TIA1: variants seen among roughly 807,000 people sequenced by gnomAD.
TIA1 encodes cytotoxic granule associated RNA binding protein TIA1.
In TIA1, 23 loss-of-function variants were observed where a neutral mutation model predicts 65.9. The observed-to-expected ratio is 0.35, with a 90% CI of 0.25 to 0.49. The LOEUF (loss-of-function observed/expected upper bound fraction) is 0.49. Ranked by LOEUF, TIA1 falls within the 20% of genes least tolerant of loss-of-function variation. TIA1 has a pLI of 0.98. For missense variants in TIA1, 371 were observed against 477.9 expected, an observed-to-expected ratio of 0.78 and a Z score of 2.09; for synonymous variants, 147 against 149.4, an observed-to-expected ratio of 0.98 and a Z score of 0.12.
Position 70,218,310 on chromosome 2 carries a change from G to A in TIA1, c.475-1316C>T, listed in dbSNP as rs1023332501. Among the ~76,000 whole-genome samples, 7 of 152,302 alleles carry A rather than the reference G, an allele frequency of 4.6e-5. No individual in the cohort carries two copies. In the South Asian group the frequency reaches 1.4e-3, roughly 32 times the overall value. ...AAGTGTGTTAAGGCACAAAAGTTTGGTATGCATCTGAAAGCAGCATGTGAA... is the reference window on the plus strand; with the variant it reads ...AAGTGTGTTAAGGCACAAAAGTTTGATATGCATCTGAAAGCAGCATGTGAA... On this transcript the variant is annotated intron_variant, in intron 7 of 12. Coordinates refer to ENST00000433529, the MANE Select transcript of TIA1 (RefSeq NM_022173.4).
chr2:70,212,388 C>T lies in TIA1; in HGVS notation c.*331G>A, dbSNP rs1676709896. The T allele has an allele frequency of 4.6e-6, 1 of 218,826 alleles. No individual in the cohort carries two copies. Among genetic ancestry groups the T allele is most frequent in the Non-Finnish European group, 9.5e-6 (1 of 105,718 alleles). 13.6% of individuals were successfully genotyped at this position (218,826 alleles called of 1,614,324 possible). Reference sequence around the variant, plus strand: ...GAATGCAAACTAGAACTGCACACTACTTCAGTGGAAAAAAGTTCAATATTG... The same window carrying T: ...GAATGCAAACTAGAACTGCACACTATTTCAGTGGAAAAAAGTTCAATATTG... On this transcript the variant is annotated 3_prime_UTR_variant, in exon 13 of 13. Transcript: ENST00000433529.
intron 11 of TIA1, among the ~76,000 whole-genome samples, 157 bp from the exon 12 acceptor site, chr2:70,214,651 A>AAAAAAAAAAAAAAAAAAAAAC (rs1558752008): frequency 1.4e-5 from 2 of 143,198 alleles, no homozygotes; most frequent in Non-Finnish European, 3.1e-5. Flanking sequence ...AAAAAAAAAA[A>AAAAAAAAAAAAAAAAAAAAAC]AAAAAAACAA....
chr2:70,239,265 T>C (rs1335283169), intron 1 of TIA1, among the ~76,000 whole-genome samples: 1 of 152,094 alleles, frequency 6.6e-6, no homozygotes, highest in Non-Finnish European at 1.5e-5. Flanking sequence ...GCTAGTTTTT[T>C]GTATTTTTAG....
chr2:70,236,007 C>T, intron 2 of TIA1, 72 bp downstream of exon 2: 2 of 868,950 alleles, frequency 2.3e-6, no homozygotes, highest in Non-Finnish European at 3.6e-6. Flanking sequence ...ACTAAGAATT[C>T]CTTCCAAGCA....
At chr2:70,218,043 C>G (rs1679442402) in intron 7 of TIA1, among the ~76,000 whole-genome samples, 1 of 152,190 alleles carries the variant, frequency 6.6e-6, no homozygotes, top group South Asian at 2.1e-4. Context: ...CACTGGTAAA[C>G]AAGCATACAT....
intron 3 of TIA1, 85 bp downstream of exon 3, chr2:70,230,671 T>C: frequency 9.4e-7 from 1 of 1,065,674 alleles, no homozygotes; most frequent in Non-Finnish European, 1.3e-6. Flanking sequence ...AAAAAAAGTG[T>C]TTAATGTTTC....
rs1184337974 is a variant in TIA1 at position 70,215,364 on chromosome 2, C to T, written c.888+7G>A. ...CAATTACTTCTCAAAGTTAAGAACC[C>T]TCTCACCTGTTGCACGGGATTTATC... is the stretch of plus-strand genomic sequence containing the variant. On this transcript the variant is annotated splice_region_variant and intron_variant, in intron 11 of 12. Coordinates refer to ENST00000433529, the MANE Select transcript of TIA1 (RefSeq NM_022173.4). 1.2e-6 allele frequency: 2 copies of T among 1,613,556 alleles called. No homozygotes were observed. The highest frequency in any genetic ancestry group is 2.2e-5 in the South Asian group (2 of 90,958).
rs1320365805 is a variant in TIA1, at chr2:70,229,249, A to G, written c.277+15T>C. 1.7e-5 allele frequency: 28 copies of G among 1,613,682 alleles called. No homozygotes were observed. Among genetic ancestry groups the G allele is most frequent in the Non-Finnish European group, 2.3e-5 (27 of 1,179,816 alleles). On this transcript the variant is annotated intron_variant, in intron 4 of 12. Coordinates refer to ENST00000433529, the MANE Select transcript of TIA1 (RefSeq NM_022173.4). Reference sequence around the variant, plus strand: ...CAATAAAAACAAATGTTCAAAGAGCATAAAATATACTTACTGCTTGTATCT... The same window carrying G: ...CAATAAAAACAAATGTTCAAAGAGCGTAAAATATACTTACTGCTTGTATCT...
chr2:70,213,628 C>T (rs559706956), intron 12 of TIA1, among the ~76,000 whole-genome samples: 180 of 151,460 alleles, frequency 1.2e-3, no homozygotes, highest in African/African-American at 4.2e-3. Context: ...GGATTATAGG[C>T]ATGAGCCACC....
intron 5 of TIA1, chr2:70,228,767 G>T: frequency 1.5e-6 from 2 of 1,315,958 alleles, no homozygotes; most frequent in Non-Finnish European, 9.7e-7. Context: ...ATCTGGGTAT[G>T]AAGCCCAAAT....
chr2:70,219,224 T>C (rs939250911), intron 7 of TIA1, among the ~76,000 whole-genome samples: 6 of 151,754 alleles, frequency 4.0e-5, no homozygotes, highest in Non-Finnish European at 8.8e-5. Context: ...GAATAATCAC[T>C]AGCTAAGGTG....
intron 7 of TIA1, among the ~76,000 whole-genome samples, chr2:70,220,767 G>T (rs1209762926): frequency 6.6e-6 from 1 of 151,994 alleles, no homozygotes; most frequent in African/African-American, 2.4e-5. Context: ...GGTTGTGAAT[G>T]GGAGATAAAG....
Position 70,211,744 on chromosome 2 carries a change from CTCA to C in TIA1, c.*972_*974del, listed in dbSNP as rs1454012618. The C allele has an allele frequency of 6.6e-6, 1 of 152,604 alleles. No individual in the cohort carries two copies. The highest frequency in any genetic ancestry group is 1.5e-5 in the Non-Finnish European group (1 of 68,044). 9.5% of individuals were successfully genotyped at this position (152,604 alleles called of 1,614,324 possible). A position where few individuals can be genotyped will look rare whatever the true frequency, so the allele number is the denominator to read the frequency against. On this transcript the variant is annotated 3_prime_UTR_variant, in exon 13 of 13. Coordinates refer to ENST00000433529, the MANE Select transcript of TIA1 (RefSeq NM_022173.4). Reference sequence around the variant, plus strand: ...GCAAACAACTTAAAACCTTATAAATCTCATGTCAACTCTGCATGATGCCTTGAA... The same window carrying C: ...GCAAACAACTTAAAACCTTATAAATCTGTCAACTCTGCATGATGCCTTGAA...
chr2:70,246,621 C>G (rs1029325492), intron 1 of TIA1, among the ~76,000 whole-genome samples: 1 of 152,206 alleles, frequency 6.6e-6, no homozygotes, highest in Non-Finnish European at 1.5e-5. Flanking sequence ...CGCAGTGGCT[C>G]ACACCTGTAA....
chr2:70,227,820 G>C lies in TIA1; in HGVS notation c.313C>G (p.His105Asp), dbSNP rs775798661. Residue 105 changes from histidine (H) to aspartate (D), a missense_variant and splice_region_variant, in exon 6 of 13, where the codon CAT becomes GAT. His to Asp is a moderately conservative substitution (Grantham distance 81). Coordinates refer to ENST00000433529, the MANE Select transcript of TIA1 (RefSeq NM_022173.4). Reference protein sequence around the residue: ...TVVSTQRSQDHFHVFVGDLSP... With the variant: ...TVVSTQRSQDDFHVFVGDLSP... ...AGATCACCAACAAAGACATGGAAAT[G>C]ATCTTATAAGGGGAAGGAAGGGGAA... 1 of 1,595,966 alleles carries C rather than the reference G, an allele frequency of 6.3e-7. No individual in the cohort carries two copies. The highest frequency in any genetic ancestry group is 8.6e-7 in the Non-Finnish European group (1 of 1,168,664).
intron 8 of TIA1, 92 bp from the exon 9 acceptor site, chr2:70,216,591 A>G: frequency 7.4e-7 from 1 of 1,343,512 alleles, no homozygotes; most frequent in Non-Finnish European, 1.0e-6. Context: ...TAAAGGTAAC[A>G]TTAACCTTGA....
At chr2:70,215,982 A>G (rs1678451993) in intron 10 of TIA1, 4 of 486,486 alleles carry the variant, frequency 8.2e-6, no homozygotes. Context: ...TCTCAAACTC[A>G]TGACGGTGAT....
chr2:70,232,540 C>CAAAAAAAA (rs70956955), intron 2 of TIA1, among the ~76,000 whole-genome samples: 1 of 40,264 alleles, frequency 2.5e-5, no homozygotes, highest in East Asian at 6.0e-4. Flanking sequence ...AACTCTGTCT[C>CAAAAAAAA]AAAAAAAAAA....
intron 6 of TIA1, chr2:70,225,466 T>C: frequency 7.9e-7 from 1 of 1,271,084 alleles, no homozygotes; most frequent in Non-Finnish European, 1.0e-6. Context: ...ACTCCATACC[T>C]CAAAAAATTG....
Sources: gnomAD v4.1 joint callset for allele counts (sites outside exome capture counted in the v4.1 genomes callset) on GRCh38, gnomAD v4.1.1 for gene constraint, MANE v1.5 for transcripts, NCBI Gene and HGNC (gene_info 2026-07-23, HGNC 2026-07-21) for gene names.